The following XPR1 variants were observed in gnomAD, a reference collection of about 807,000 sequenced individuals.
XPR1 encodes xenotropic and polytropic retrovirus receptor 1.
Under a neutral mutation model 87.5 loss-of-function variants are expected in XPR1, and 28 were observed. The observed-to-expected ratio is 0.32, with a 90% CI of 0.24 to 0.44. The LOEUF is 0.44. Ranked by LOEUF, XPR1 falls within the 20% of genes least tolerant of loss-of-function variation. XPR1 has a pLI of 1.00. For missense variants in XPR1, 559 were observed against 862.3 expected (o/e 0.65, Z 4.41); for synonymous variants, 300 against 306.1 (o/e 0.98, Z 0.21).
At chr1:180,775,901 C>T (rs1648696567) in intron 2 of XPR1, among the ~76,000 whole-genome samples, 1 of 152,068 alleles carries the variant, frequency 6.6e-6, no homozygotes, top group African/African-American at 2.4e-5. Context: ...TGTACTAATT[C>T]CTGAAATTGA....
At chr1:180,835,845 GGTGA>G (rs1165837283) in intron 10 of XPR1, among the ~76,000 whole-genome samples, 15 of 152,172 alleles carry the variant, frequency 9.9e-5, no homozygotes, top group African/African-American at 3.4e-4. Context: ...TAGAATCACT[GGTGA>G]TACTTGTAGG....
intron 1 of XPR1, 113 bp downstream of exon 1, chr1:180,632,383 A>T (rs1275200333): frequency 7.3e-7 from 1 of 1,378,216 alleles, no homozygotes; most frequent in African/African-American, 1.4e-5. Flanking sequence ...GCAGACTTTG[A>T]CCCGCTGCCG....
chr1:180,669,254 G>A (rs1249365007), intron 1 of XPR1, among the ~76,000 whole-genome samples: 1 of 152,056 alleles, frequency 6.6e-6, no homozygotes, highest in Admixed American at 6.5e-5. Context: ...ATTATTGGTC[G>A]AGAGATATTG....
intron 2 of XPR1, among the ~76,000 whole-genome samples, chr1:180,691,911 T>C (rs1657006502): frequency 6.6e-6 from 1 of 152,180 alleles, no homozygotes; most frequent in Non-Finnish European, 1.5e-5. Context: ...ATTTCTAAAA[T>C]TCATGAAGTA....
intron 3 of XPR1, among the ~76,000 whole-genome samples, chr1:180,791,006 G>C (rs1450700072): frequency 2.6e-5 from 4 of 151,982 alleles, no homozygotes; most frequent in Non-Finnish European, 5.9e-5. Flanking sequence ...CATATAGCAG[G>C]AGGAGGAGGA....
intron 1 of XPR1, among the ~76,000 whole-genome samples, chr1:180,638,878 A>G (rs1654871548): frequency 6.6e-6 from 1 of 152,142 alleles, no homozygotes; most frequent in Non-Finnish European, 1.5e-5. Context: ...ATAAATTTGG[A>G]TTACTTTTGT....
intron 7 of XPR1, among the ~76,000 whole-genome samples, chr1:180,818,380 C>G (rs772613393): frequency 4.6e-5 from 7 of 151,310 alleles, no homozygotes; most frequent in Non-Finnish European, 7.4e-5. Flanking sequence ...ACAACCTAGC[C>G]CCATTGTTAA....
At chr1:180,816,572 G>GT (rs1159667685) in intron 7 of XPR1, among the ~76,000 whole-genome samples, 12 of 152,324 alleles carry the variant, frequency 7.9e-5, no homozygotes. Flanking sequence ...CATGTACCAT[G>GT]TAACAATGTC....
intron 11 of XPR1, among the ~76,000 whole-genome samples, chr1:180,840,359 GA>G (rs1237584171): frequency 6.6e-6 from 1 of 151,660 alleles, no homozygotes; most frequent in Non-Finnish European, 1.5e-5. Flanking sequence ...TAGACAAAAA[GA>G]GGGAGGGCAG....
At chr1:180,671,102 C>T (rs989013570) in intron 1 of XPR1, among the ~76,000 whole-genome samples, 2 of 152,092 alleles carry the variant, frequency 1.3e-5, no homozygotes, top group Non-Finnish European at 2.9e-5. Flanking sequence ...TTATGAAAAT[C>T]AAAGTGGTTT....
chr1:180,853,129 C>T (rs764836373), intron 11 of XPR1, among the ~76,000 whole-genome samples: 4 of 152,042 alleles, frequency 2.6e-5, no homozygotes, highest in Non-Finnish European at 4.4e-5. Flanking sequence ...GTATTCGCCA[C>T]GTTAGCCAAG....
intron 2 of XPR1, among the ~76,000 whole-genome samples, chr1:180,717,199 G>A (rs755119217): frequency 6.6e-6 from 1 of 152,050 alleles, no homozygotes; most frequent in Non-Finnish European, 1.5e-5. Context: ...CACCATGTTG[G>A]TCAGGCTGGT....
intron 2 of XPR1, among the ~76,000 whole-genome samples, chr1:180,695,261 T>A (rs889313669): frequency 6.6e-6 from 1 of 152,202 alleles, no homozygotes; most frequent in Non-Finnish European, 1.5e-5. Flanking sequence ...ATTATTGAGT[T>A]GTTTGAGTTC....
chr1:180,800,228 T>C (rs1428654937), intron 3 of XPR1, among the ~76,000 whole-genome samples: 1 of 152,224 alleles, frequency 6.6e-6, no homozygotes, highest in African/African-American at 2.4e-5. Context: ...TGGGCTGATA[T>C]TTCATCTGTC....
chr1:180,721,833 C>G (rs1262272921), intron 2 of XPR1, among the ~76,000 whole-genome samples: 1 of 152,128 alleles, frequency 6.6e-6, no homozygotes, highest in East Asian at 1.9e-4. Context: ...TTTCTTTTCT[C>G]TAGCTTATTT....
chr1:180,636,944 C>T (rs536496388), intron 1 of XPR1, among the ~76,000 whole-genome samples: 12 of 148,504 alleles, frequency 8.1e-5, no homozygotes, highest in African/African-American at 1.2e-4. Context: ...CCCACCTACG[C>T]GGGAGACTGA....
chr1:180,829,217 CT>C (rs1305604091), intron 9 of XPR1, among the ~76,000 whole-genome samples: 1 of 151,764 alleles, frequency 6.6e-6, no homozygotes, highest in Non-Finnish European at 1.5e-5. Flanking sequence ...TCAGTATTAA[CT>C]TAAAAGAGGA....
rs530159989 is a variant in XPR1 at position 180,771,776 on chromosome 1, C to A, written c.122-15977C>A. On this transcript the variant is annotated intron_variant, in intron 2 of 14. Transcript: ENST00000367590. ...ACCAGAGAAGTGATGTTGTGTCCTT[C>A]ATAGTGCATTTTTTTCAGGGGGTAC... Among the ~76,000 whole-genome samples, 49 of 152,284 alleles carry A rather than the reference C, an allele frequency of 3.2e-4. No homozygotes were observed. In the South Asian group the frequency reaches 3.5e-3, roughly 11 times the overall value.
intron 1 of XPR1, among the ~76,000 whole-genome samples, chr1:180,667,605 A>G (rs1020164185): frequency 1.3e-5 from 2 of 152,202 alleles, no homozygotes; most frequent in South Asian, 4.1e-4. Flanking sequence ...TCAAAGTAAT[A>G]CTGGCCTCAT....
Sources: allele counts gnomAD v4.1 joint callset (sites outside exome capture counted in the v4.1 genomes callset), GRCh38; gene constraint gnomAD v4.1.1; transcripts MANE v1.5; gene names NCBI Gene and HGNC (gene_info 2026-07-23, HGNC 2026-07-21).